The following FOCAD variants were observed in gnomAD, a reference collection of about 807,000 sequenced individuals.
The protein encoded by FOCAD is focadhesin.
A neutral mutation model predicts 225.6 loss-of-function variants in FOCAD; 198 were observed. That is an observed-to-expected ratio of 0.88 (90% CI 0.78 to 0.99). FOCAD has a LOEUF of 0.99. Ranked by LOEUF, FOCAD falls within the 50% of genes least tolerant of loss-of-function variation. The pLI is 0.00. For missense variants in FOCAD, 2,713 were observed against 2,123.6 expected (o/e 1.28, Z -5.46); for synonymous variants, 897 against 755.0 (o/e 1.19, Z -3.08).
intron 7 of FOCAD, among the ~76,000 whole-genome samples, chr9:20,768,579 CTT>C (rs1817838447): frequency 6.6e-6 from 1 of 151,980 alleles, no homozygotes; most frequent in Admixed American, 6.6e-5. Flanking sequence ...ATTTTATTCT[CTT>C]TGAAGCAATT....
At chr9:20,969,367 A>G (rs1358217357) in intron 35 of FOCAD, among the ~76,000 whole-genome samples, 1 of 152,088 alleles carries the variant, frequency 6.6e-6, no homozygotes, top group Non-Finnish European at 1.5e-5. Context: ...TATTGAAGGT[A>G]GAGTATTGAA....
intron 1 of FOCAD, among the ~76,000 whole-genome samples, chr9:20,712,519 CCCA>C (rs74363161): frequency 0.35 from 53,068 of 150,914 alleles, 9,355 homozygotes; most frequent in South Asian, 0.47. Flanking sequence ...ATTAGCTGAG[CCCA>C]GTGGTGGTGG....
rs534420289 is a variant in FOCAD, at chr9:20,920,768, A to C, written c.2853-2892A>C. Among the ~76,000 whole-genome samples the C allele has an allele frequency of 2.0e-5, 3 of 151,776 alleles. No homozygotes were observed. The East Asian group carries it at 5.8e-4, about 30-fold the overall frequency. ...CATAGGTGGGAATTGAACAATGAGA[A>C]CACATGGACACAGGAAAGGGAACAT... On this transcript the variant is annotated intron_variant, in intron 24 of 43. Transcript: ENST00000338382.
chr9:20,842,452 T>C (rs1023815526), intron 15 of FOCAD, among the ~76,000 whole-genome samples: 2 of 151,994 alleles, frequency 1.3e-5, no homozygotes, highest in African/African-American at 4.8e-5. Flanking sequence ...GTATAGTTTT[T>C]TTATCCTCAT....
chr9:20,775,534 G>T (rs527938346), intron 8 of FOCAD, among the ~76,000 whole-genome samples: 125 of 152,314 alleles, frequency 8.2e-4, no homozygotes, highest in Middle Eastern at 3.4e-3. Context: ...AACAGAGTAC[G>T]TAGCAAAGTT....
At chr9:20,783,745 AT>A (rs1217644544) in intron 10 of FOCAD, among the ~76,000 whole-genome samples, 1 of 152,118 alleles carries the variant, frequency 6.6e-6, no homozygotes, top group Admixed American at 6.5e-5. Flanking sequence ...TTGAACACTA[AT>A]TGTAAATTCT....
At chr9:20,926,896 C>T (rs193072456) in intron 26 of FOCAD, among the ~76,000 whole-genome samples, 235 of 150,418 alleles carry the variant, frequency 1.6e-3, no homozygotes, top group African/African-American at 5.4e-3. Flanking sequence ...CACACACACA[C>T]GAAATATTAT....
rs1336421970 is a variant in FOCAD at position 20,776,755 on chromosome 9, T to G, written c.907-1926T>G. On this transcript the variant is annotated intron_variant, in intron 8 of 43. Transcript: ENST00000338382. ...AGCTTGTGTGAAAAAGGCTTTCCAA[T>G]AATAGCATTACTATACAGCAGTGCT... 2.0e-5 allele frequency among the ~76,000 whole-genome samples: 3 copies of G among 152,252 alleles called. No individual in the cohort carries two copies. The East Asian group carries it at 5.8e-4, about 29-fold the overall frequency.
At chr9:20,863,530 C>G (rs1828965902) in intron 16 of FOCAD, 1 of 152,082 alleles carries the variant, frequency 6.6e-6, no homozygotes, top group African/African-American at 2.4e-5. Flanking sequence ...ATCACAGTAC[C>G]TGGTGCATAA....
chr9:20,982,213 A>G (rs1459890552), intron 38 of FOCAD, 144 bp from the exon 39 acceptor site: 1 of 505,352 alleles, frequency 2.0e-6, no homozygotes, highest in Non-Finnish European at 3.5e-6. Context: ...AATGATAAAA[A>G]TTGGCCAAAT....
At chr9:20,906,823 A>G (rs1833020236) in intron 21 of FOCAD, among the ~76,000 whole-genome samples, 1 of 152,100 alleles carries the variant, frequency 6.6e-6, no homozygotes, top group South Asian at 2.1e-4. Flanking sequence ...GTTTCCTGAC[A>G]TTGGCAAGAG....
At chr9:20,956,905 G>C (rs1838186129) in intron 35 of FOCAD, among the ~76,000 whole-genome samples, 1 of 152,112 alleles carries the variant, frequency 6.6e-6, no homozygotes, top group African/African-American at 2.4e-5. Context: ...TGGTGGTCAG[G>C]CTGGTCTTGA....
chr9:20,926,903 T>G (rs1180983701), intron 26 of FOCAD, among the ~76,000 whole-genome samples: 1 of 151,126 alleles, frequency 6.6e-6, no homozygotes, highest in African/African-American at 2.4e-5. Flanking sequence ...ACACGAAATA[T>G]TATCTATATA....
At chr9:20,815,137 G>GTTTTTTTTTTT (rs71334555) in intron 11 of FOCAD, among the ~76,000 whole-genome samples, 4 of 69,146 alleles carry the variant, frequency 5.8e-5, no homozygotes, top group African/African-American at 6.0e-5. Context: ...TTTTTTTTTT[G>GTTTTTTTTTTT]TTTTTTTTTT....
chr9:20,704,501 A>G (rs888739874), intron 1 of FOCAD, among the ~76,000 whole-genome samples: 2 of 152,190 alleles, frequency 1.3e-5, no homozygotes, highest in Non-Finnish European at 2.9e-5. Flanking sequence ...GTTCTTTTCC[A>G]GAGTAAGAAT....
intron 5 of FOCAD, among the ~76,000 whole-genome samples, chr9:20,749,292 G>A (rs10757145): frequency 0.65 from 99,525 of 151,954 alleles, 32,882 homozygotes; most frequent in Non-Finnish European, 0.69. Context: ...CAAAGAAAAG[G>A]TGTTGTGACT....
At chr9:20,835,298 G>A (rs1417892197) in intron 15 of FOCAD, among the ~76,000 whole-genome samples, 2 of 151,924 alleles carry the variant, frequency 1.3e-5, no homozygotes, top group East Asian at 1.9e-4. Context: ...TTTACTAATG[G>A]GTTTAGAAAG....
chr9:20,991,914 A>T (rs969101186), intron 42 of FOCAD, among the ~76,000 whole-genome samples: 2 of 151,604 alleles, frequency 1.3e-5, no homozygotes, highest in African/African-American at 4.9e-5. Context: ...GACCTCTTGC[A>T]TTGATTATAT....
intron 6 of FOCAD, 90 bp from the exon 7 acceptor site, chr9:20,764,779 A>C: frequency 2.1e-6 from 2 of 945,104 alleles, no homozygotes; most frequent in Non-Finnish European, 3.3e-6. Context: ...AGATTATGTT[A>C]TGTCATGAAC....
Sources: gnomAD v4.1 joint callset for allele counts (sites outside exome capture counted in the v4.1 genomes callset) on GRCh38, gnomAD v4.1.1 for gene constraint, MANE v1.5 for transcripts, NCBI Gene and HGNC (gene_info 2026-07-23, HGNC 2026-07-21) for gene names.